The following MYLIP variants were observed in gnomAD, a reference collection of about 807,000 sequenced individuals.
MYLIP encodes E3 ubiquitin-protein ligase MYLIP.
A neutral mutation model predicts 45.8 loss-of-function variants in MYLIP; 26 were observed. The ratio of observed to expected loss-of-function variants is 0.57; its 90% CI spans 0.42 to 0.79. The LOEUF (loss-of-function observed/expected upper bound fraction) is 0.79. Ranked by LOEUF, MYLIP falls within the 30% of genes least tolerant of loss-of-function variation. The pLI is 0.00. For synonymous variants in MYLIP, 213 were observed against 218.1 expected (o/e 0.98, Z 0.21); for missense variants, 494 against 555.6 (o/e 0.89, Z 1.11).
chr6:16,154,635 G>A, the MYLIP span, among the ~76,000 whole-genome samples: 2 of 152,210 alleles, frequency 1.3e-5, no homozygotes, highest in African/African-American at 2.4e-5. Flanking sequence ...CAGACCATCC[G>A]AAGGGACAAA....
downstream of MYLIP, among the ~76,000 whole-genome samples, chr6:16,149,117 A>G (rs1403222287): frequency 6.6e-6 from 1 of 152,202 alleles, no homozygotes; most frequent in East Asian, 1.9e-4. Context: ...TCATGTACTT[A>G]GCCTGTAACG....
chr6:16,156,797 A>G, the MYLIP span, among the ~76,000 whole-genome samples: 2 of 152,220 alleles, frequency 1.3e-5, no homozygotes, highest in African/African-American at 4.8e-5. Flanking sequence ...CTGTTACCTA[A>G]TGAAAACCAA....
rs776624441 is a variant in MYLIP at position 16,143,110 on chromosome 6, T to C, written c.555T>C (p.Tyr185=). Residue 185 remains tyrosine (Y), a synonymous_variant, in exon 4 of 7, where the codon TAT becomes TAC. Coordinates refer to ENST00000356840, the MANE Select transcript of MYLIP (RefSeq NM_013262.4). ...AGATTGTGTCGGCAATGGAAAACTA[T>C]GGCATAGAATGGCATTCTGTGCGGG... ...VLQIVSAMEN[Y]GIEWHSVRDS... 6.2e-7 allele frequency: 1 copy of C among 1,614,240 alleles called. No homozygotes were observed. Among genetic ancestry groups the C allele is most frequent in the East Asian group, 2.2e-5 (1 of 44,890 alleles).
intron 2 of MYLIP, among the ~76,000 whole-genome samples, chr6:16,139,288 C>T (rs1198695166): frequency 1.3e-4 from 19 of 151,284 alleles, no homozygotes; most frequent in African/African-American, 4.4e-4. Context: ...ATCGGGAGGC[C>T]GAGGCAGGAG....
rs559286669 is a variant in MYLIP, at chr6:16,141,801, C to T, written c.455C>T (p.Thr152Ile). 19 of 1,611,926 alleles carry T rather than the reference C, an allele frequency of 1.2e-5. No individual in the cohort carries two copies. In the South Asian group the frequency reaches 1.9e-4, roughly 16 times the overall value. Reference protein sequence around the residue: ...ELCAKELSSATLNSIVAKHKE... With the variant: ...ELCAKELSSAILNSIVAKHKE... ...TGTGCCAAGGAGCTCTCCTCTGCCACCTTGAACAGGTGAGGCTGTTGAATA... is the reference window on the plus strand; with the variant it reads ...TGTGCCAAGGAGCTCTCCTCTGCCATCTTGAACAGGTGAGGCTGTTGAATA... The change falls in exon 3 of 7, where the codon ACC becomes ATC. Residue 152 changes from threonine to isoleucine, a missense_variant. Coordinates refer to ENST00000356840, the MANE Select transcript of MYLIP (RefSeq NM_013262.4).
At chr6:16,161,503 C>G in the MYLIP span, 1 of 157,012 alleles carries the variant, frequency 6.4e-6, no homozygotes, top group Admixed American at 6.5e-5. Flanking sequence ...TAGTTGCAAT[C>G]CATCAGAAGC....
chr6:16,138,829 C>G (rs958845778), intron 2 of MYLIP, among the ~76,000 whole-genome samples: 2 of 152,158 alleles, frequency 1.3e-5, no homozygotes, highest in Non-Finnish European at 1.5e-5. Flanking sequence ...TTCATGCTTA[C>G]CAGGCATCCT....
chr6:16,162,555 T>C, the MYLIP span, among the ~76,000 whole-genome samples: 1 of 152,170 alleles, frequency 6.6e-6, no homozygotes, highest in South Asian at 2.1e-4. Context: ...AAATGTCTAA[T>C]GTAAAACATG....
At chr6:16,142,885 A>ACTT in intron 3 of MYLIP, 135 bp from the exon 4 acceptor site, 2 of 883,852 alleles carry the variant, frequency 2.3e-6, no homozygotes, top group Non-Finnish European at 3.5e-6. Flanking sequence ...AAATACATGA[A>ACTT]ACATCAGTAA....
At chr6:16,155,520 A>G in the MYLIP span, among the ~76,000 whole-genome samples, 2 of 152,226 alleles carry the variant, frequency 1.3e-5, no homozygotes, top group Admixed American at 1.3e-4. Flanking sequence ...TCTCTGGCTG[A>G]GTTAGCAAAG....
At chr6:16,149,505 G>C (rs2113586234), downstream of MYLIP, among the ~76,000 whole-genome samples, 1 of 152,336 alleles carries the variant, frequency 6.6e-6, no homozygotes, top group Middle Eastern at 3.4e-3. Flanking sequence ...CAGGGCTGGA[G>C]CACAGTCTGC....
chr6:16,134,120 A>T (rs1201531501), intron 2 of MYLIP, among the ~76,000 whole-genome samples: 1 of 152,190 alleles, frequency 6.6e-6, no homozygotes, highest in Non-Finnish European at 1.5e-5. Flanking sequence ...AGCTTATAAT[A>T]CTACATATAC....
intron 2 of MYLIP, among the ~76,000 whole-genome samples, chr6:16,133,832 A>T (rs1759501716): frequency 6.6e-6 from 1 of 152,208 alleles, no homozygotes; most frequent in African/African-American, 2.4e-5. Flanking sequence ...GCTCACCAAC[A>T]CATGGATTCT....
chr6:16,161,315 C>T, the MYLIP span: 1 of 332,272 alleles, frequency 3.0e-6, no homozygotes, highest in Non-Finnish European at 6.0e-6. Context: ...GGACCTACAG[C>T]TTCAGATGGG....
chr6:16,134,303 TA>T (rs772812837), intron 2 of MYLIP, among the ~76,000 whole-genome samples: 1 of 152,330 alleles, frequency 6.6e-6, no homozygotes. Flanking sequence ...TAACTACTAA[TA>T]TAAGCTTTCC....
intron 5 of MYLIP, among the ~76,000 whole-genome samples, chr6:16,144,405 T>C (rs1205260583): frequency 1.3e-5 from 2 of 152,200 alleles, no homozygotes; most frequent in Middle Eastern, 3.2e-3. Context: ...TTAATAGCAA[T>C]ATTGATTCCC....
At chr6:16,162,801 A>G in the MYLIP span, among the ~76,000 whole-genome samples, 11 of 151,040 alleles carry the variant, frequency 7.3e-5, no homozygotes, top group Admixed American at 4.6e-4. Flanking sequence ...AAAAAAAAAA[A>G]AAAAGAAATT....
downstream of MYLIP, among the ~76,000 whole-genome samples, chr6:16,149,973 G>A (rs1759857704): frequency 6.6e-6 from 1 of 152,190 alleles, no homozygotes. Context: ...AAACCTGGAG[G>A]TAGTTGAAAG....
In MYLIP at chr6:16,147,833, G is replaced by C. The variant is rs1270023921; in HGVS notation, c.*1082G>C. ...CTCTGTATGTTTCGAAGGGGTTTTG[G>C]TTCTTTTTGCTTCTGTTTTCTTAAA... On this transcript the variant is annotated 3_prime_UTR_variant, in exon 7 of 7. Transcript: ENST00000356840. 2.0e-5 allele frequency: 3 copies of C among 152,460 alleles called. No homozygotes were observed. Among genetic ancestry groups the C allele is most frequent in the Non-Finnish European group, 4.4e-5 (3 of 68,018 alleles). 9.4% of individuals were successfully genotyped at this position (152,460 alleles called of 1,614,324 possible). A position where few individuals can be genotyped will look rare whatever the true frequency, so the allele number is the denominator to read the frequency against.
Sources: allele counts gnomAD v4.1 joint callset (sites outside exome capture counted in the v4.1 genomes callset), GRCh38; gene constraint gnomAD v4.1.1; transcripts MANE v1.5; gene names NCBI Gene and HGNC (gene_info 2026-07-23, HGNC 2026-07-21).